EPHA6: variants seen among roughly 807,000 people sequenced by gnomAD.
The protein encoded by EPHA6 is EPH receptor A6, also known as ephrin type-A receptor 6.
Under a neutral mutation model 112.0 loss-of-function variants are expected in EPHA6, and 50 were observed. The ratio of observed to expected loss-of-function variants is 0.45; its 90% CI spans 0.36 to 0.56. The LOEUF (loss-of-function observed/expected upper bound fraction) is 0.56. EPHA6 is among the 20% of genes least tolerant of loss of function. The probability of loss-of-function intolerance (pLI) is 0.00; values close to 1 mark genes in which losing one functional copy is unlikely to be tolerated. For synonymous variants in EPHA6, 529 were observed against 490.7 expected, an observed-to-expected ratio of 1.08 and a Z score of -1.03; for missense variants, 1,280 against 1,417.4, an observed-to-expected ratio of 0.90 and a Z score of 1.56.
intron 3 of EPHA6, among the ~76,000 whole-genome samples, chr3:97,113,088 T>A (rs1248882184): frequency 1.3e-5 from 2 of 152,166 alleles, no homozygotes; most frequent in African/African-American, 2.4e-5. Flanking sequence ...TCAACTCAAC[T>A]GCTTCAGCTG....
chr3:97,208,673 G>A (rs2077780349), intron 3 of EPHA6, among the ~76,000 whole-genome samples: 1 of 151,976 alleles, frequency 6.6e-6, no homozygotes, highest in African/African-American at 2.4e-5. Flanking sequence ...CTTGAACCCT[G>A]GAGGTGGATG....
chr3:96,970,921 T>A (rs2042295821), intron 2 of EPHA6, among the ~76,000 whole-genome samples: 1 of 152,070 alleles, frequency 6.6e-6, no homozygotes. Context: ...TTAAATGTGG[T>A]TTGTGAGATT....
At chr3:97,080,497 A>G (rs1021308795) in intron 3 of EPHA6, among the ~76,000 whole-genome samples, 1 of 152,152 alleles carries the variant, frequency 6.6e-6, no homozygotes, top group Non-Finnish European at 1.5e-5. Context: ...CATCTGGAAG[A>G]GAATATTCAA....
intron 5 of EPHA6, among the ~76,000 whole-genome samples, chr3:97,322,762 C>CT (rs1375155658): frequency 6.6e-6 from 1 of 151,868 alleles, no homozygotes; most frequent in African/African-American, 2.4e-5. Context: ...TAGTGGCATA[C>CT]TTTTTTCCTT....
chr3:96,878,107 G>A (rs2037083749), intron 2 of EPHA6, among the ~76,000 whole-genome samples: 1 of 151,604 alleles, frequency 6.6e-6, no homozygotes, highest in Non-Finnish European at 1.5e-5. Flanking sequence ...TTTATTTATG[G>A]TTACCAGTGA....
At chr3:97,040,981 A>C (rs1458544457) in intron 3 of EPHA6, among the ~76,000 whole-genome samples, 4 of 151,874 alleles carry the variant, frequency 2.6e-5, no homozygotes, top group Non-Finnish European at 4.4e-5. Flanking sequence ...TTTTTCATTT[A>C]TTTTCTTCCT....
intron 5 of EPHA6, among the ~76,000 whole-genome samples, chr3:97,305,878 T>C (rs1199501466): frequency 6.6e-6 from 1 of 151,734 alleles, no homozygotes; most frequent in African/African-American, 2.4e-5. Context: ...TAAAATTAAA[T>C]TAAATTTTAA....
intron 4 of EPHA6, among the ~76,000 whole-genome samples, chr3:97,238,572 A>G (rs1213400877): frequency 1.3e-5 from 2 of 151,958 alleles, no homozygotes; most frequent in African/African-American, 4.8e-5. Flanking sequence ...TGGGGATATT[A>G]ATAACCATTT....
At chr3:97,523,507 A>G (rs1333865098) in intron 10 of EPHA6, among the ~76,000 whole-genome samples, 1 of 152,062 alleles carries the variant, frequency 6.6e-6, no homozygotes, top group Non-Finnish European at 1.5e-5. Flanking sequence ...GTGCTGTTGG[A>G]TGAAATGTTC....
chr3:97,315,618 T>C (rs117685625), intron 5 of EPHA6, among the ~76,000 whole-genome samples: 1 of 151,756 alleles, frequency 6.6e-6, no homozygotes, highest in Non-Finnish European at 1.5e-5. Flanking sequence ...TGATGTTTCT[T>C]AAAAGTGGCT....
chr3:96,878,695 A>G lies in EPHA6; in HGVS notation c.450+11806A>G, dbSNP rs150160570. 3.2e-3 allele frequency among the ~76,000 whole-genome samples: 482 copies of G among 152,168 alleles called. 1 individual carries two copies. The highest frequency in any genetic ancestry group is 0.011 in the African/African-American group (452 of 41,552). On this transcript the variant is annotated intron_variant, in intron 2 of 17. Coordinates refer to ENST00000389672, the MANE Select transcript of EPHA6 (RefSeq NM_001080448.3). ...TATGTTATGTCTATCTAGATATACA[A>G]TCTGTATCATTCCAACAAGGCCGTC...
intron 11 of EPHA6, among the ~76,000 whole-genome samples, chr3:97,535,249 C>G (rs1371081285): frequency 1.3e-5 from 2 of 148,234 alleles, no homozygotes; most frequent in Non-Finnish European, 3.0e-5. Flanking sequence ...GAAATGAGAC[C>G]AGTGACCTCT....
chr3:97,643,851 A>G (rs987001107), intron 14 of EPHA6, among the ~76,000 whole-genome samples: 206 of 150,520 alleles, frequency 1.4e-3, no homozygotes, highest in African/African-American at 4.7e-3. Flanking sequence ...AGACTTTAAC[A>G]CCCCACTGTC....
At chr3:96,921,496 A>C (rs2039761879) in intron 2 of EPHA6, among the ~76,000 whole-genome samples, 1 of 152,236 alleles carries the variant, frequency 6.6e-6, no homozygotes, top group South Asian at 2.1e-4. Flanking sequence ...CAGTGCCTTC[A>C]TAAAACTCTA....
chr3:96,870,352 C>T (rs1414613676), intron 2 of EPHA6, among the ~76,000 whole-genome samples: 4 of 151,962 alleles, frequency 2.6e-5, no homozygotes, highest in Admixed American at 6.6e-5. Flanking sequence ...TTTCTAAAGG[C>T]GGGAGAAGAC....
intron 2 of EPHA6, among the ~76,000 whole-genome samples, chr3:96,934,102 T>C (rs1327881930): frequency 6.6e-6 from 1 of 152,008 alleles, no homozygotes; most frequent in East Asian, 1.9e-4. Flanking sequence ...ATTTTAAAAA[T>C]ATGAAATACC....
chr3:97,448,054 A>G (rs937548582), intron 6 of EPHA6, among the ~76,000 whole-genome samples: 5 of 152,168 alleles, frequency 3.3e-5, no homozygotes, highest in African/African-American at 1.2e-4. Context: ...TACAGCACAA[A>G]GTGAATGACT....
chr3:97,578,693 C>T (rs1017665236), intron 11 of EPHA6, among the ~76,000 whole-genome samples: 1 of 151,994 alleles, frequency 6.6e-6, no homozygotes, highest in African/African-American at 2.4e-5. Context: ...GCTGATTTGG[C>T]CTTTTAAAAA....
chr3:96,947,258 G>A (rs1324448100), intron 2 of EPHA6, among the ~76,000 whole-genome samples: 2 of 152,138 alleles, frequency 1.3e-5, no homozygotes, highest in Non-Finnish European at 2.9e-5. Context: ...CCTTGCCTAT[G>A]CCTATGTCTT....
Sources: allele counts gnomAD v4.1 joint callset (sites outside exome capture counted in the v4.1 genomes callset), GRCh38; gene constraint gnomAD v4.1.1; transcripts MANE v1.5; gene names NCBI Gene and HGNC (gene_info 2026-07-23, HGNC 2026-07-21).